The following VCF1 variants were observed in gnomAD, a reference collection of about 807,000 sequenced individuals.
VCF1 encodes protein VCF1.
chr17:73,211,468 C>T, the VCF1 span, among the ~76,000 whole-genome samples: 1 of 151,848 alleles, frequency 6.6e-6, no homozygotes, highest in Non-Finnish European at 1.5e-5. Flanking sequence ...ACTAGGGAGG[C>T]CGAGGCAGGA....
chr17:73,230,067 C>T, the VCF1 span, among the ~76,000 whole-genome samples: 8,202 of 151,962 alleles, frequency 0.054, 252 homozygotes, highest in Middle Eastern at 0.085. Flanking sequence ...GATGCCGAGG[C>T]GGGTGGATCC....
the VCF1 span, among the ~76,000 whole-genome samples, chr17:73,219,710 T>A: frequency 6.6e-6 from 1 of 151,654 alleles, no homozygotes; most frequent in South Asian, 2.1e-4. Flanking sequence ...TGGTGGCTCA[T>A]GCCTATAATC....
chr17:73,222,792 G>A, the VCF1 span, among the ~76,000 whole-genome samples: 19 of 146,004 alleles, frequency 1.3e-4, no homozygotes, highest in East Asian at 4.0e-4. Context: ...AAAAAAAAAA[G>A]AAAAAAAAAG....
At chr17:73,229,469 T>G in the VCF1 span, 3 of 985,310 alleles carry the variant, frequency 3.0e-6, no homozygotes, top group Non-Finnish European at 1.2e-6. Context: ...AGATTACCAG[T>G]TAGCATCTGT....
the VCF1 span, chr17:73,208,226 G>A: frequency 1.5e-5 from 24 of 1,604,844 alleles, no homozygotes; most frequent in South Asian, 2.1e-4. Flanking sequence ...TGTGTGCCGT[G>A]TGGACTCCGA....
At chr17:73,211,816 C>T in the VCF1 span, among the ~76,000 whole-genome samples, 1 of 152,158 alleles carries the variant, frequency 6.6e-6, no homozygotes, top group African/African-American at 2.4e-5. Flanking sequence ...GCCGAGATCA[C>T]GCCACTGCCC....
At chr17:73,224,016 G>GAAA in the VCF1 span, among the ~76,000 whole-genome samples, 1 of 149,192 alleles carries the variant, frequency 6.7e-6, no homozygotes, top group African/African-American at 2.5e-5. Context: ...AAAGGAGGGA[G>GAAA]GGAAGAAGGG....
At chr17:73,227,809 G>T in the VCF1 span, 1 of 255,750 alleles carries the variant, frequency 3.9e-6, no homozygotes, top group Non-Finnish European at 6.2e-6. Context: ...ACTATGAGAT[G>T]ATAGCATAAG....
At chr17:73,219,366 C>G in the VCF1 span, among the ~76,000 whole-genome samples, 1 of 151,740 alleles carries the variant, frequency 6.6e-6, no homozygotes, top group South Asian at 2.1e-4. Context: ...AGAAATTAAT[C>G]TCGGCTGGGC....
chr17:73,217,543 G>A, the VCF1 span, among the ~76,000 whole-genome samples: 10 of 152,140 alleles, frequency 6.6e-5, no homozygotes, highest in South Asian at 1.2e-3. Context: ...CCAGCTACTC[G>A]GGAGGCTAAG....
At chr17:73,230,127 C>T in the VCF1 span, among the ~76,000 whole-genome samples, 2 of 152,046 alleles carry the variant, frequency 1.3e-5, no homozygotes, top group Non-Finnish European at 2.9e-5. Context: ...TGAAACCCCA[C>T]CTCTACCAAA....
chr17:73,231,031 T>C, the VCF1 span, among the ~76,000 whole-genome samples: 2 of 152,290 alleles, frequency 1.3e-5, no homozygotes, highest in African/African-American at 4.8e-5. Context: ...CTAATTCCGA[T>C]GGCATGTCTG....
chr17:73,220,767 C>T, the VCF1 span, among the ~76,000 whole-genome samples: 1 of 151,006 alleles, frequency 6.6e-6, no homozygotes, highest in South Asian at 2.1e-4. Context: ...CATTTTTTCA[C>T]TCTCTATCTG....
chr17:73,215,227 T>C, the VCF1 span, among the ~76,000 whole-genome samples: 1 of 152,260 alleles, frequency 6.6e-6, no homozygotes, highest in African/African-American at 2.4e-5. Context: ...CGCAGACATC[T>C]GGGTAAGACC....
the VCF1 span, among the ~76,000 whole-genome samples, chr17:73,231,150 T>C: frequency 6.6e-6 from 1 of 152,166 alleles, no homozygotes; most frequent in African/African-American, 2.4e-5. Flanking sequence ...TGCAGCAGCT[T>C]GGGGAACCCT....
the VCF1 span, among the ~76,000 whole-genome samples, chr17:73,212,960 T>G: frequency 6.6e-6 from 1 of 152,264 alleles, no homozygotes; most frequent in East Asian, 1.9e-4. Context: ...ATTTAAAAAA[T>G]CTTGGCTGGG....
At chr17:73,229,470 T>G in the VCF1 span, 1 of 985,456 alleles carries the variant, frequency 1.0e-6, no homozygotes, top group Non-Finnish European at 1.2e-6. Flanking sequence ...GATTACCAGT[T>G]AGCATCTGTT....
the VCF1 span, chr17:73,208,492 C>T: frequency 4.2e-5 from 68 of 1,601,186 alleles, no homozygotes; most frequent in Non-Finnish European, 5.7e-5. Context: ...AATACTACCA[C>T]ATTATTTCTT....
At chr17:73,221,225 TA>T in the VCF1 span, among the ~76,000 whole-genome samples, 1 of 151,456 alleles carries the variant, frequency 6.6e-6, no homozygotes, top group African/African-American at 2.5e-5. Flanking sequence ...TCTTCCCTCC[TA>T]AGGATGAGAA....
Sources: allele counts gnomAD v4.1 joint callset (sites outside exome capture counted in the v4.1 genomes callset), GRCh38; gene constraint gnomAD v4.1.1; transcripts MANE v1.5; gene names NCBI Gene and HGNC (gene_info 2026-07-23, HGNC 2026-07-21).